NETO1: variants seen among roughly 807,000 people sequenced by gnomAD.
The protein encoded by NETO1 is neuropilin and tolloid-like protein 1.
NETO1 carries 26 observed loss-of-function variants against 61.3 expected under a neutral mutation model. The ratio of observed to expected loss-of-function variants is 0.42; its 90% CI spans 0.31 to 0.59. The LOEUF (loss-of-function observed/expected upper bound fraction) is 0.59. NETO1 is among the 20% of genes least tolerant of loss of function. The pLI, the probability that NETO1 is intolerant of heterozygous loss-of-function variation, is 0.12. For synonymous variants in NETO1, 225 were observed against 225.8 expected, an observed-to-expected ratio of 1.00 and a Z score of 0.03; for missense variants, 531 against 662.8, an observed-to-expected ratio of 0.80 and a Z score of 2.18.
intron 4 of NETO1, among the ~76,000 whole-genome samples, chr18:72,828,931 C>T (rs903972848): frequency 9.2e-5 from 14 of 151,572 alleles, no homozygotes; most frequent in Admixed American, 8.6e-4. Context: ...AGAGAATAAG[C>T]AAACACTGGA....
At position 72,750,350 on chromosome 18, in the gene NETO1, T is replaced by C. The variant is rs2070555081; in HGVS notation, c.1253A>G (p.His418Arg). Reference protein sequence around the residue: ...ADVADDFENYHKLRRSSSKCI... With the variant: ...ADVADDFENYRKLRRSSSKCI... Reference sequence around the variant, plus strand: ...TTTGGAAGATGACCTCCGCAGTTTATGGTAATTTTCAAAGTCATCTGCCAC... The same window carrying C: ...TTTGGAAGATGACCTCCGCAGTTTACGGTAATTTTCAAAGTCATCTGCCAC... The change falls in exon 9 of 11, where the codon CAT becomes CGT. Residue 418 changes from histidine to arginine, a missense_variant. His to Arg is a conservative substitution (Grantham distance 29). Coordinates refer to ENST00000327305, the MANE Select transcript of NETO1 (RefSeq NM_138966.5). 4 of 1,614,110 alleles carry C rather than the reference T, an allele frequency of 2.5e-6. No individual in the cohort carries two copies. Among genetic ancestry groups the C allele is most frequent in the Non-Finnish European group, 3.4e-6 (4 of 1,180,016 alleles).
intron 7 of NETO1, among the ~76,000 whole-genome samples, chr18:72,767,299 T>C (rs749587978): frequency 4.6e-5 from 7 of 152,186 alleles, no homozygotes; most frequent in Non-Finnish European, 1.0e-4. Context: ...ACCACAATGG[T>C]TGTAAAGCTA....
At chr18:72,831,926 G>A (rs2073594366) in intron 4 of NETO1, among the ~76,000 whole-genome samples, 1 of 151,532 alleles carries the variant, frequency 6.6e-6, no homozygotes, top group Non-Finnish European at 1.5e-5. Context: ...TTCAATATAA[G>A]TGTTGGTGTT....
chr18:72,865,292 C>A, intron 1 of NETO1, 51 bp from the exon 2 acceptor site: 1 of 1,372,738 alleles, frequency 7.3e-7, no homozygotes, highest in Non-Finnish European at 1.0e-6. Context: ...ATGATCAAAT[C>A]CCATAAAAAC....
chr18:72,782,524 G>A (rs1048330922), intron 7 of NETO1, among the ~76,000 whole-genome samples: 20 of 152,140 alleles, frequency 1.3e-4, no homozygotes, highest in African/African-American at 4.6e-4. Flanking sequence ...CTATTCTGAG[G>A]CCAGGCACAG....
chr18:72,834,198 T>C (rs2073669571), intron 4 of NETO1: 1 of 599,386 alleles, frequency 1.7e-6, no homozygotes, highest in Non-Finnish European at 2.1e-6. Context: ...CATATATGCA[T>C]ATTAGTGTAC....
At chr18:72,782,729 G>A (rs973993841) in intron 7 of NETO1, among the ~76,000 whole-genome samples, 4 of 152,186 alleles carry the variant, frequency 2.6e-5, no homozygotes, top group South Asian at 2.1e-4. Context: ...ACTTGAACCC[G>A]GGAGGCAAAG....
At chr18:72,832,902 T>C (rs985785883) in intron 4 of NETO1, among the ~76,000 whole-genome samples, 5 of 151,998 alleles carry the variant, frequency 3.3e-5, no homozygotes, top group East Asian at 1.9e-4. Context: ...TTATAAAAAA[T>C]TGTCTCATAA....
chr18:72,806,416 C>G (rs1261544834), intron 4 of NETO1, among the ~76,000 whole-genome samples: 1 of 152,138 alleles, frequency 6.6e-6, no homozygotes, highest in East Asian at 1.9e-4. Flanking sequence ...CTTTCTCTCT[C>G]TAAATCTAAT....
rs543427758 is a variant in NETO1, at chr18:72,852,951, G to A, written c.469+5875C>T. ...GGATTCAAGCAATTCTCTCGCCTCA[G>A]TCTCCCGAGTAGCTGGGATTACAGG... is the stretch of plus-strand genomic sequence containing the variant. On this transcript the variant is annotated intron_variant, in intron 4 of 10. Coordinates refer to ENST00000327305, the MANE Select transcript of NETO1 (RefSeq NM_138966.5). Among the ~76,000 whole-genome samples, 9 of 149,948 alleles carry A rather than the reference G, an allele frequency of 6.0e-5. 1 individual carries two copies. The Admixed American group carries it at 6.1e-4, about 10-fold the overall frequency.
At position 72,853,964 on chromosome 18, in the gene NETO1, C is replaced by A. The variant is rs144363116; in HGVS notation, c.469+4862G>T. 1.6e-3 allele frequency among the ~76,000 whole-genome samples: 249 copies of A among 152,060 alleles called. 3 individuals are homozygous for A. Among genetic ancestry groups the A allele is most frequent in the Admixed American group, 0.013 (202 of 15,268 alleles). On this transcript the variant is annotated intron_variant, in intron 4 of 10. Coordinates refer to ENST00000327305, the MANE Select transcript of NETO1 (RefSeq NM_138966.5). ...GAAATGGTTAATACATATATATTCACGTTTCTGATCCAAAGAGGAAAAATA... is the reference window on the plus strand; with the variant it reads ...GAAATGGTTAATACATATATATTCAAGTTTCTGATCCAAAGAGGAAAAATA...
chr18:72,765,636 C>T (rs879551139), intron 7 of NETO1, among the ~76,000 whole-genome samples: 2 of 152,016 alleles, frequency 1.3e-5, no homozygotes, highest in South Asian at 4.1e-4. Context: ...CCAGGATGGT[C>T]TTGAACTTCT....
intron 7 of NETO1, among the ~76,000 whole-genome samples, chr18:72,776,730 C>T (rs140868165): frequency 1.0e-3 from 158 of 152,304 alleles, no homozygotes; most frequent in African/African-American, 3.6e-3. Context: ...AAACTCCTAA[C>T]ATCATCACCT....
intron 4 of NETO1, among the ~76,000 whole-genome samples, chr18:72,853,104 G>A (rs1239097460): frequency 1.3e-5 from 2 of 151,932 alleles, no homozygotes; most frequent in Admixed American, 6.6e-5. Flanking sequence ...CAAAGTGCTG[G>A]GATTACAAGC....
intron 4 of NETO1, among the ~76,000 whole-genome samples, chr18:72,856,252 G>C (rs1386646937): frequency 1.3e-5 from 2 of 152,040 alleles, no homozygotes; most frequent in Non-Finnish European, 2.9e-5. Context: ...CATTTTCTAT[G>C]ACTGACATTA....
At position 72,794,350 on chromosome 18, in the gene NETO1, C is replaced by G; in HGVS notation, c.511+13G>C. On this transcript the variant is annotated intron_variant, in intron 5 of 10. Transcript: ENST00000327305. ...AAGTCTTCTGAACAGTATTAAATAT[C>G]TATTTTACCAACCTGGTAATGGTTT... The G allele has an allele frequency of 1.2e-6, 2 of 1,612,482 alleles. No individual in the cohort carries two copies. Among genetic ancestry groups the G allele is most frequent in the Non-Finnish European group, 1.7e-6 (2 of 1,179,578 alleles).
chr18:72,857,799 C>T (rs776463502), intron 4 of NETO1, among the ~76,000 whole-genome samples: 1 of 152,140 alleles, frequency 6.6e-6, no homozygotes, highest in Non-Finnish European at 1.5e-5. Context: ...TTATTAAAAA[C>T]ATTCCTAATG....
In NETO1 at chr18:72,745,891, GTT is replaced by G. The variant is rs2070421187; in HGVS notation, c.*2286_*2287del. 1 of 152,154 alleles carries G rather than the reference GTT, an allele frequency of 6.6e-6. No individual in the cohort carries two copies. Among genetic ancestry groups the G allele is most frequent in the Non-Finnish European group, 1.5e-5 (1 of 68,026 alleles). 9.4% of individuals were successfully genotyped at this position (152,154 alleles called of 1,614,324 possible). Reference sequence around the variant, plus strand: ...CTGTACATTGTTGAGAAATTTTAGAGTTATCACTGAGGAGGCCTGTTCTTCAT... The same window carrying G: ...CTGTACATTGTTGAGAAATTTTAGAGATCACTGAGGAGGCCTGTTCTTCAT... On this transcript the variant is annotated 3_prime_UTR_variant, in exon 11 of 11. Transcript: ENST00000327305.
At chr18:72,835,331 G>C (rs1250461682) in intron 4 of NETO1, 1 of 1,595,376 alleles carries the variant, frequency 6.3e-7, no homozygotes, top group Non-Finnish European at 8.6e-7. Context: ...TGGAGGCAAA[G>C]AGGTAATTAA....
Sources: allele counts gnomAD v4.1 joint callset (sites outside exome capture counted in the v4.1 genomes callset), GRCh38; gene constraint gnomAD v4.1.1; transcripts MANE v1.5; gene names NCBI Gene and HGNC (gene_info 2026-07-23, HGNC 2026-07-21).